The following ACP3 variants were observed in gnomAD, a reference collection of about 807,000 sequenced individuals.
ACP3 encodes the protein prostatic acid phosphatase.
In ACP3, 38 loss-of-function variants were observed where a neutral mutation model predicts 45.6. That is an observed-to-expected ratio of 0.83 (90% CI 0.64 to 1.09). The LOEUF (loss-of-function observed/expected upper bound fraction) is 1.09, where lower values mean the gene tolerates loss of function less well. Among genes scored for constraint, ACP3 ranks in the 50% least tolerant of loss-of-function variants. The pLI is 0.00. For missense variants in ACP3, 466 were observed against 463.2 expected (o/e 1.01, Z -0.05); for synonymous variants, 162 against 164.7 (o/e 0.98, Z 0.13).
intron 9 of ACP3, among the ~76,000 whole-genome samples, chr3:132,353,885 A>G (rs150524644): frequency 6.6e-6 from 1 of 152,316 alleles, no homozygotes; most frequent in East Asian, 1.9e-4. Flanking sequence ...TTCTCAACCA[A>G]TATCTTCACT....
At chr3:132,363,181 A>C (rs1938073989), downstream of ACP3, among the ~76,000 whole-genome samples, 1 of 152,162 alleles carries the variant, frequency 6.6e-6, no homozygotes. Flanking sequence ...CTCATTCCAC[A>C]TTCAGTATTA....
intron 1 of ACP3, among the ~76,000 whole-genome samples, chr3:132,321,638 A>G (rs755756654): frequency 7.9e-5 from 12 of 152,218 alleles, no homozygotes; most frequent in Non-Finnish European, 1.3e-4. Flanking sequence ...TCAGCCAACC[A>G]GGTTATTCCT....
intron 4 of ACP3, chr3:132,332,631 A>G: frequency 3.2e-6 from 1 of 308,514 alleles, no homozygotes; most frequent in Non-Finnish European, 6.1e-6. Context: ...AGAGAGAGGG[A>G]GAGGGAGATA....
downstream of ACP3, among the ~76,000 whole-genome samples, chr3:132,359,671 G>C (rs1453961413): frequency 6.6e-6 from 1 of 151,972 alleles, no homozygotes; most frequent in East Asian, 1.9e-4. Context: ...TCTACCTGTG[G>C]TATGTTTGCA....
rs568935729 is a variant in ACP3 at position 132,343,789 on chromosome 3, C to T, written c.649-1138C>T. Reference sequence around the variant, plus strand: ...CTTGTACTTAACCATTCATTTAACGCATATTTACCAAGTATCCACTGTGTG... The same window carrying T: ...CTTGTACTTAACCATTCATTTAACGTATATTTACCAAGTATCCACTGTGTG... On this transcript the variant is annotated intron_variant, in intron 6 of 9. Transcript: ENST00000336375. Among the ~76,000 whole-genome samples the T allele has an allele frequency of 2.6e-5, 4 of 152,282 alleles. No homozygotes were observed. The South Asian group carries it at 6.2e-4, about 24-fold the overall frequency.
intron 9 of ACP3, among the ~76,000 whole-genome samples, chr3:132,354,497 T>A (rs1430711615): frequency 6.6e-6 from 1 of 152,232 alleles, no homozygotes; most frequent in African/African-American, 2.4e-5. Flanking sequence ...GGATTTTTTT[T>A]ATTGGCACTC....
At chr3:132,337,063 GGTGTGT>G (rs113543420) in intron 4 of ACP3, among the ~76,000 whole-genome samples, 190 of 144,970 alleles carry the variant, frequency 1.3e-3, no homozygotes, top group African/African-American at 1.6e-3. Flanking sequence ...CATGCGTTGG[GGTGTGT>G]GTGTGTGTGT....
At chr3:132,361,377 A>T (rs1408822330), downstream of ACP3, among the ~76,000 whole-genome samples, 1 of 152,116 alleles carries the variant, frequency 6.6e-6, no homozygotes, top group Admixed American at 6.6e-5. Context: ...GTATGCTCCG[A>T]TTCACTCCTC....
At chr3:132,349,249 A>T (rs1409690278) in intron 7 of ACP3, among the ~76,000 whole-genome samples, 11 of 152,200 alleles carry the variant, frequency 7.2e-5, no homozygotes, top group Admixed American at 7.2e-4. Flanking sequence ...AGGTGTTCAG[A>T]TGTGAAGTGT....
intron 4 of ACP3, chr3:132,333,423 C>T (rs1937436465): frequency 6.6e-6 from 1 of 152,648 alleles, no homozygotes; most frequent in African/African-American, 2.4e-5. Flanking sequence ...ATAGGCATGA[C>T]CATCGCATCT....
At chr3:132,332,437 T>G in intron 4 of ACP3, 93 bp downstream of exon 4, 1 of 1,366,164 alleles carries the variant, frequency 7.3e-7, no homozygotes, top group Non-Finnish European at 1.0e-6. Context: ...GTCTGGACAC[T>G]CCTTGAGCTG....
rs112351608 is a variant in ACP3 at position 132,334,786 on chromosome 3, G to A, written c.456+2442G>A. Among the ~76,000 whole-genome samples the A allele has an allele frequency of 4.1e-3, 622 of 152,342 alleles. 4 individuals are homozygous for A. Among genetic ancestry groups the A allele is most frequent in the African/African-American group, 0.014 (602 of 41,582 alleles). ...ATTTAATAGCCAGGAGGAATCTTGA[G>A]TTGAAAGAAAGGCAGTGTGATGTTA... is the stretch of plus-strand genomic sequence containing the variant. On this transcript the variant is annotated intron_variant, in intron 4 of 9. Coordinates refer to ENST00000336375, the MANE Select transcript of ACP3 (RefSeq NM_001099.5).
At chr3:132,332,991 A>C (rs905353228) in intron 4 of ACP3, among the ~76,000 whole-genome samples, 5 of 152,198 alleles carry the variant, frequency 3.3e-5, no homozygotes, top group South Asian at 2.1e-4. Flanking sequence ...ATTTCATTCC[A>C]GAGCAATTTT....
chr3:132,346,872 C>T (rs1259774959), intron 7 of ACP3, among the ~76,000 whole-genome samples: 1 of 152,226 alleles, frequency 6.6e-6, no homozygotes, highest in Non-Finnish European at 1.5e-5. Flanking sequence ...ACACAGGCCC[C>T]ACTCCCAAAC....
chr3:132,358,656 C>T lies in ACP3; in HGVS notation c.*1778C>T. On this transcript the variant is annotated 3_prime_UTR_variant, in exon 10 of 10. Transcript: ENST00000336375. ...ATGCTTCTTTGTGTTATTTCCCTCC[C>T]AAGTAAATGTTTGTCCTTGGGTCCA... 7 of 1,031,940 alleles carry T rather than the reference C, an allele frequency of 6.8e-6. No homozygotes were observed. Among genetic ancestry groups the T allele is most frequent in the Non-Finnish European group, 8.2e-6 (7 of 853,476 alleles). 63.9% of individuals were successfully genotyped at this position (1,031,940 alleles called of 1,614,324 possible).
chr3:132,317,582 T>C lies in ACP3; in HGVS notation c.120+6T>C, dbSNP rs1000918427. ...AGTTGAAGTTTGTGACTTTGGTAAG[T>C]AGACTTTTCTCATTGCTTTTTCCTT... On this transcript the variant is annotated splice_donor_region_variant and intron_variant, in intron 1 of 9. Transcript: ENST00000336375. 1.9e-6 allele frequency: 3 copies of C among 1,608,836 alleles called. No homozygotes were observed. In the African/African-American group the frequency reaches 4.0e-5, roughly 22 times the overall value.
At position 132,327,096 on chromosome 3, in the gene ACP3, TGAG is replaced by T. The variant is rs1937310244; in HGVS notation, c.121-1170_121-1168del. ...ATATAGAAGTATGTTATTAAAGTATTGAGAATTAGCTTTCCTAACCTCCCCACC... is the reference window on the plus strand; with the variant it reads ...ATATAGAAGTATGTTATTAAAGTATTAATTAGCTTTCCTAACCTCCCCACC... On this transcript the variant is annotated intron_variant, in intron 1 of 9. Transcript: ENST00000336375. Among the ~76,000 whole-genome samples, 13 of 152,366 alleles carry T rather than the reference TGAG, an allele frequency of 8.5e-5. No homozygotes were observed. The South Asian group carries it at 1.9e-3, about 22-fold the overall frequency.
At chr3:132,355,514 T>A (rs13082125) in intron 9 of ACP3, among the ~76,000 whole-genome samples, 4,317 of 139,234 alleles carry the variant, frequency 0.031, 87 homozygotes, top group Middle Eastern at 0.061. Flanking sequence ...ATTTTATTTT[T>A]ATTTTATTTT....
chr3:132,331,801 A>C, intron 3 of ACP3, 68 bp downstream of exon 3: 6 of 1,324,662 alleles, frequency 4.5e-6, no homozygotes, highest in Non-Finnish European at 6.3e-6. Flanking sequence ...GCATATATAA[A>C]AGTGCTTTGC....
Sources: gnomAD v4.1 joint callset for allele counts (sites outside exome capture counted in the v4.1 genomes callset) on GRCh38, gnomAD v4.1.1 for gene constraint, MANE v1.5 for transcripts, NCBI Gene and HGNC (gene_info 2026-07-23, HGNC 2026-07-21) for gene names.